The following TNNI3K variants were observed in gnomAD, a reference collection of about 807,000 sequenced individuals.
The protein encoded by TNNI3K is serine/threonine-protein kinase TNNI3K.
TNNI3K carries 140 observed loss-of-function variants against 114.5 expected under a neutral mutation model. The ratio of observed to expected loss-of-function variants is 1.22; its 90% CI spans 1.07 to 1.41. TNNI3K has a LOEUF of 1.41. Among genes scored for constraint, TNNI3K ranks in the 40% most tolerant of loss-of-function variants. The probability of loss-of-function intolerance (pLI) is 0.00; values close to 1 mark genes in which losing one functional copy is unlikely to be tolerated. For synonymous variants in TNNI3K, 347 were observed against 347.5 expected, an observed-to-expected ratio of 1.00 and a Z score of 0.02; for missense variants, 1,125 against 1,007.6, an observed-to-expected ratio of 1.12 and a Z score of -1.58.
intron 17 of TNNI3K, among the ~76,000 whole-genome samples, chr1:74,419,153 C>G (rs1665275534): frequency 6.6e-6 from 1 of 151,970 alleles, no homozygotes; most frequent in African/African-American, 2.4e-5. Flanking sequence ...TCTAGAGGCT[C>G]TAGGGAAAAT....
intron 5 of TNNI3K, among the ~76,000 whole-genome samples, chr1:74,278,182 T>G (rs1363685146): frequency 1.3e-5 from 2 of 152,192 alleles, no homozygotes; most frequent in African/African-American, 2.4e-5. Context: ...CATGAGTTTT[T>G]TACCTAAACA....
chr1:74,257,024 T>A (rs1655357094), intron 4 of TNNI3K, among the ~76,000 whole-genome samples: 1 of 152,276 alleles, frequency 6.6e-6, no homozygotes, highest in African/African-American at 2.4e-5. Flanking sequence ...ATACATATGT[T>A]AGATTGTTTG....
chr1:74,418,817 A>C (rs1194657423), intron 17 of TNNI3K, among the ~76,000 whole-genome samples: 2 of 151,906 alleles, frequency 1.3e-5, no homozygotes, highest in Non-Finnish European at 2.9e-5. Flanking sequence ...AGATGTTTAT[A>C]GGATACCTTC....
intron 21 of TNNI3K, among the ~76,000 whole-genome samples, chr1:74,465,449 C>A (rs187769968): frequency 1.3e-5 from 2 of 152,196 alleles, no homozygotes; most frequent in African/African-American, 4.8e-5. Context: ...ACTGCTGGCC[C>A]GCCCGCACCG....
At chr1:74,266,945 A>G (rs1004800355) in intron 4 of TNNI3K, among the ~76,000 whole-genome samples, 5 of 151,924 alleles carry the variant, frequency 3.3e-5, no homozygotes, top group Non-Finnish European at 7.4e-5. Context: ...TCTTCCACAC[A>G]TGGATTTTCT....
At chr1:74,457,483 TG>T (rs1254427121) in intron 20 of TNNI3K, among the ~76,000 whole-genome samples, 2 of 152,172 alleles carry the variant, frequency 1.3e-5, no homozygotes, top group African/African-American at 4.8e-5. Flanking sequence ...TAACAAAGAA[TG>T]TGTCTTAGCT....
rs555292720 is a variant in TNNI3K, at chr1:74,248,151, G to A, written c.150-1308G>A. Among the ~76,000 whole-genome samples the A allele has an allele frequency of 2.6e-5, 4 of 152,248 alleles. No homozygotes were observed. In the South Asian group the frequency reaches 8.3e-4, roughly 32 times the overall value. On this transcript the variant is annotated intron_variant, in intron 2 of 24. Coordinates refer to ENST00000326637, the MANE Select transcript of TNNI3K (RefSeq NM_015978.3). ...GCACCCTCTGCAGCTTCTGGCCCAG[G>A]TGCTAAGCCTCTCACTGCCCAGGGC...
At chr1:74,351,519 G>T (rs1371252427) in intron 9 of TNNI3K, among the ~76,000 whole-genome samples, 1 of 152,130 alleles carries the variant, frequency 6.6e-6, no homozygotes, top group African/African-American at 2.4e-5. Context: ...GGCCTGCCTT[G>T]CTAGATTGGG....
intron 11 of TNNI3K, among the ~76,000 whole-genome samples, chr1:74,360,876 A>G (rs1661928610): frequency 6.6e-6 from 1 of 152,066 alleles, no homozygotes; most frequent in South Asian, 2.1e-4. Flanking sequence ...CCAAATTGTA[A>G]ACTTCTTGAG....
chr1:74,410,291 C>G (rs890468538), intron 17 of TNNI3K, among the ~76,000 whole-genome samples: 2 of 151,996 alleles, frequency 1.3e-5, no homozygotes, highest in South Asian at 4.1e-4. Flanking sequence ...TGTTTTAAAA[C>G]TGGAACTTTA....
chr1:74,494,509 C>T (rs1183936101), intron 23 of TNNI3K, among the ~76,000 whole-genome samples: 2 of 152,094 alleles, frequency 1.3e-5, no homozygotes, highest in Non-Finnish European at 2.9e-5. Context: ...ACCCATAGGC[C>T]AAGACTACAT....
intron 17 of TNNI3K, among the ~76,000 whole-genome samples, chr1:74,409,854 A>C (rs1664801652): frequency 6.6e-6 from 1 of 151,894 alleles, no homozygotes; most frequent in South Asian, 2.1e-4. Context: ...TAGGGATTTT[A>C]TATTTTTTAT....
At chr1:74,446,990 G>C (rs1666724669) in intron 20 of TNNI3K, among the ~76,000 whole-genome samples, 1 of 97,254 alleles carries the variant, frequency 1.0e-5, no homozygotes, top group Non-Finnish European at 2.1e-5. Context: ...CTCCAGCTTT[G>C]TTCTTTTGGC....
chr1:74,243,134 TAAC>T (rs1034409268), intron 2 of TNNI3K, among the ~76,000 whole-genome samples: 3 of 152,342 alleles, frequency 2.0e-5, no homozygotes, highest in South Asian at 2.1e-4. Context: ...TCTTATAAGA[TAAC>T]AATAATTATG....
chr1:74,327,598 A>C (rs1276458366), intron 5 of TNNI3K, among the ~76,000 whole-genome samples: 1 of 146,108 alleles, frequency 6.8e-6, no homozygotes, highest in Non-Finnish European at 1.5e-5. Flanking sequence ...TGGTATTATT[A>C]TATATTACTA....
chr1:74,296,870 T>G (rs1188251051), intron 5 of TNNI3K, among the ~76,000 whole-genome samples: 1 of 152,208 alleles, frequency 6.6e-6, no homozygotes, highest in African/African-American at 2.4e-5. Context: ...CCGTTGGTGT[T>G]ATCAGTTTTA....
intron 23 of TNNI3K, among the ~76,000 whole-genome samples, chr1:74,493,349 T>G (rs1359988400): frequency 1.3e-5 from 2 of 152,160 alleles, no homozygotes; most frequent in Admixed American, 6.5e-5. Context: ...AATGGTTATT[T>G]CTATGCTATG....
intron 5 of TNNI3K, among the ~76,000 whole-genome samples, chr1:74,286,514 C>G (rs1045111428): frequency 1.3e-5 from 2 of 152,102 alleles, no homozygotes; most frequent in African/African-American, 2.4e-5. Flanking sequence ...TACATGAACT[C>G]AGGTACGAGG....
chr1:74,525,844 C>T (rs1412021968), intron 23 of TNNI3K, among the ~76,000 whole-genome samples: 1 of 152,178 alleles, frequency 6.6e-6, no homozygotes, highest in Non-Finnish European at 1.5e-5. Context: ...AGAGGCATCA[C>T]AGCACATCAC....
Sources: gnomAD v4.1 joint callset for allele counts (sites outside exome capture counted in the v4.1 genomes callset) on GRCh38, gnomAD v4.1.1 for gene constraint, MANE v1.5 for transcripts, NCBI Gene and HGNC (gene_info 2026-07-23, HGNC 2026-07-21) for gene names.